Variants in CTNNA3 observed in about 807,000 individuals in gnomAD.
The protein encoded by CTNNA3 is catenin alpha-3.
Under a neutral mutation model 95.7 loss-of-function variants are expected in CTNNA3, and 76 were observed. The ratio of observed to expected loss-of-function variants is 0.79; its 90% CI spans 0.66 to 0.96. The LOEUF (loss-of-function observed/expected upper bound fraction) is 0.96, where lower values mean the gene tolerates loss of function less well. CTNNA3 is among the 40% of genes least tolerant of loss of function. The pLI, the probability that CTNNA3 is intolerant of heterozygous loss-of-function variation, is 0.00. For missense variants in CTNNA3, 1,191 were observed against 1,089.8 expected, an observed-to-expected ratio of 1.09 and a Z score of -1.31; for synonymous variants, 431 against 374.4, an observed-to-expected ratio of 1.15 and a Z score of -1.74.
chr10:67,220,952 G>C (rs778661354), intron 5 of CTNNA3, among the ~76,000 whole-genome samples: 4 of 152,054 alleles, frequency 2.6e-5, no homozygotes, highest in Admixed American at 6.6e-5. Flanking sequence ...AATGAGATTG[G>C]TGAACATCCT....
chr10:66,495,396 T>G (rs1840066835), intron 11 of CTNNA3, among the ~76,000 whole-genome samples: 2 of 152,100 alleles, frequency 1.3e-5, no homozygotes, highest in Admixed American at 1.3e-4. Context: ...AGATATAGGC[T>G]TGAACTTGGT....
chr10:67,235,133 T>A (rs1412571795), intron 5 of CTNNA3, among the ~76,000 whole-genome samples: 1 of 152,012 alleles, frequency 6.6e-6, no homozygotes, highest in Non-Finnish European at 1.5e-5. Context: ...AAGCTACTAA[T>A]GACTTTCTTC....
At chr10:67,573,317 C>T (rs1044452862) in intron 3 of CTNNA3, among the ~76,000 whole-genome samples, 7 of 152,108 alleles carry the variant, frequency 4.6e-5, no homozygotes, top group Non-Finnish European at 1.5e-5. Context: ...CTTCCTCTTT[C>T]AGTTTGCAAG....
intron 11 of CTNNA3, among the ~76,000 whole-genome samples, chr10:66,513,724 A>G (rs1397264753): frequency 1.3e-5 from 2 of 152,208 alleles, no homozygotes; most frequent in Non-Finnish European, 2.9e-5. Flanking sequence ...GTGCAGGCAC[A>G]TGATGGCCCA....
intron 7 of CTNNA3, among the ~76,000 whole-genome samples, chr10:67,008,554 A>G (rs959065946): frequency 6.6e-6 from 1 of 152,158 alleles, no homozygotes; most frequent in African/African-American, 2.4e-5. Flanking sequence ...GTGAGTTAGC[A>G]AGGCAATTCT....
chr10:66,184,584 T>C (rs1164409109), intron 13 of CTNNA3, among the ~76,000 whole-genome samples: 3 of 152,222 alleles, frequency 2.0e-5, no homozygotes, highest in South Asian at 4.1e-4. Context: ...GTTAACTCTA[T>C]ACTATAAATC....
intron 11 of CTNNA3, among the ~76,000 whole-genome samples, chr10:66,489,461 C>T (rs1377421229): frequency 1.3e-5 from 2 of 152,024 alleles, no homozygotes; most frequent in East Asian, 1.9e-4. Context: ...GGAAGAATTA[C>T]AGAAATTATA....
At chr10:67,033,001 T>A (rs1370646935) in intron 7 of CTNNA3, among the ~76,000 whole-genome samples, 1 of 152,198 alleles carries the variant, frequency 6.6e-6, no homozygotes, top group African/African-American at 2.4e-5. Context: ...ACCTTCATTT[T>A]TACTTGAATT....
At chr10:67,186,636 G>A (rs749332733) in intron 6 of CTNNA3, among the ~76,000 whole-genome samples, 4 of 152,086 alleles carry the variant, frequency 2.6e-5, no homozygotes, top group Admixed American at 1.3e-4. Context: ...AAGACCAACT[G>A]AAATAAGTTT....
intron 13 of CTNNA3, among the ~76,000 whole-genome samples, chr10:66,268,553 C>A (rs2091208439): frequency 6.6e-6 from 1 of 152,010 alleles, no homozygotes; most frequent in Non-Finnish European, 1.5e-5. Flanking sequence ...AATTCCTGAC[C>A]CATAGAATGT....
intron 13 of CTNNA3, among the ~76,000 whole-genome samples, chr10:66,126,999 T>C (rs2082857740): frequency 2.0e-5 from 3 of 151,916 alleles, no homozygotes; most frequent in Non-Finnish European, 4.4e-5. Flanking sequence ...CCGGGCGCGG[T>C]GGCTCACACC....
At chr10:66,122,796 G>C (rs1216243736) in intron 13 of CTNNA3, among the ~76,000 whole-genome samples, 1 of 152,226 alleles carries the variant, frequency 6.6e-6, no homozygotes, top group Non-Finnish European at 1.5e-5. Context: ...AGCAGACAAA[G>C]AGAGAGCTTG....
At chr10:66,000,590 CT>C (rs919147140) in intron 15 of CTNNA3, among the ~76,000 whole-genome samples, 1 of 151,920 alleles carries the variant, frequency 6.6e-6, no homozygotes, top group African/African-American at 2.4e-5. Flanking sequence ...CTCCTTAATC[CT>C]TTTTTTCTTT....
intron 9 of CTNNA3, among the ~76,000 whole-genome samples, chr10:66,671,070 A>C (rs7923078): frequency 0.2 from 30,372 of 152,058 alleles, 4,104 homozygotes; most frequent in African/African-American, 0.37. Flanking sequence ...AGAGGATATT[A>C]TTTGATTACA....
chr10:66,103,571 C>G (rs1055183819), intron 13 of CTNNA3, among the ~76,000 whole-genome samples: 5 of 152,036 alleles, frequency 3.3e-5, no homozygotes, highest in African/African-American at 9.7e-5. Flanking sequence ...TGATACACAC[C>G]ACAACACAGG....
intron 7 of CTNNA3, among the ~76,000 whole-genome samples, chr10:66,901,905 T>A (rs981947491): frequency 8.5e-5 from 13 of 152,154 alleles, no homozygotes; most frequent in African/African-American, 3.1e-4. Context: ...ACAAAGAGAC[T>A]TAGACTCCCA....
intron 5 of CTNNA3, among the ~76,000 whole-genome samples, chr10:67,398,056 G>GC (rs2132795024): frequency 6.6e-6 from 1 of 152,338 alleles, no homozygotes; most frequent in African/African-American, 2.4e-5. Context: ...TGGTGTGGGA[G>GC]CCCCCACACA....
At chr10:67,060,394 A>T (rs569818155) in intron 7 of CTNNA3, among the ~76,000 whole-genome samples, 1 of 152,342 alleles carries the variant, frequency 6.6e-6, no homozygotes, top group South Asian at 2.1e-4. Flanking sequence ...GCGTATATGA[A>T]AGTATGTTCT....
chr10:67,634,004 G>T (rs2133443098), intron 2 of CTNNA3, among the ~76,000 whole-genome samples: 1 of 152,198 alleles, frequency 6.6e-6, no homozygotes, highest in South Asian at 2.1e-4. Context: ...TCCATGAGAA[G>T]ATCAACCCCA....
Sources: allele counts gnomAD v4.1 joint callset (sites outside exome capture counted in the v4.1 genomes callset), GRCh38; gene constraint gnomAD v4.1.1; transcripts MANE v1.5; gene names NCBI Gene and HGNC (gene_info 2026-07-23, HGNC 2026-07-21).